The following MGAT3 variants were observed in gnomAD, a reference collection of about 807,000 sequenced individuals.
The protein encoded by MGAT3 is GlcNAc-T III.
A neutral mutation model predicts 29.8 loss-of-function variants in MGAT3; 9 were observed. That is an observed-to-expected ratio of 0.30 (90% CI 0.18 to 0.53). The LOEUF (loss-of-function observed/expected upper bound fraction) is 0.53. Among genes scored for constraint, MGAT3 ranks in the 20% least tolerant of loss-of-function variants. The pLI is 0.96. For missense variants in MGAT3, 557 were observed against 769.5 expected (o/e 0.72, Z 3.27); for synonymous variants, 397 against 348.9 (o/e 1.14, Z -1.54).
intron 1 of MGAT3, among the ~76,000 whole-genome samples, chr22:39,467,284 C>A (rs1928675213): frequency 6.6e-6 from 1 of 151,946 alleles, no homozygotes. Context: ...AGAGCTGGTG[C>A]AGAGGGTGAA....
chr22:39,491,783 A>G lies in MGAT3; in HGVS notation c.*2834A>G, dbSNP rs1929459846. The G allele has an allele frequency of 6.0e-6, 1 of 167,068 alleles. No individual in the cohort carries two copies. The highest frequency in any genetic ancestry group is 1.5e-5 in the Non-Finnish European group (1 of 68,170). The allele number at this position is 167,068 out of a possible 1,614,324, so 10.3% of individuals were successfully genotyped here. A position where few individuals can be genotyped will look rare whatever the true frequency, so the allele number is the denominator to read the frequency against. On this transcript the variant is annotated 3_prime_UTR_variant, in exon 2 of 2. Coordinates refer to ENST00000341184, the MANE Select transcript of MGAT3 (RefSeq NM_002409.5). The surrounding 1 kb of genome is among the most constrained non-coding windows in gnomAD (Gnocchi z 5.5). ...TCAATATGAAGGGAAACCAAGCTGA[A>G]TGTGACCACCGGCACACTGCTGCCA...
intron 1 of MGAT3, among the ~76,000 whole-genome samples, chr22:39,479,850 G>A (rs1478550721): frequency 1.3e-5 from 2 of 152,190 alleles, no homozygotes; most frequent in Non-Finnish European, 2.9e-5. Flanking sequence ...TGATCTCATT[G>A]AGCACCTGCT....
intron 1 of MGAT3, among the ~76,000 whole-genome samples, chr22:39,464,660 C>T (rs1411237700): frequency 1.3e-5 from 2 of 152,070 alleles, no homozygotes; most frequent in Admixed American, 6.5e-5. Flanking sequence ...AGGCTGGTCT[C>T]CAACTCCTGA....
At chr22:39,469,154 G>T (rs1209097809) in intron 1 of MGAT3, among the ~76,000 whole-genome samples, 2 of 149,522 alleles carry the variant, frequency 1.3e-5, no homozygotes, top group Admixed American at 6.6e-5. Flanking sequence ...GGGTGGGGAG[G>T]GGCCCAGATT....
intron 1 of MGAT3, among the ~76,000 whole-genome samples, chr22:39,478,640 AAGCGAC>A (rs1243846231): frequency 6.6e-6 from 1 of 152,158 alleles, no homozygotes; most frequent in African/African-American, 2.4e-5. Context: ...GCCCTTCACC[AAGCGAC>A]AGCTGTCAGT....
chr22:39,470,938 C>T (rs1206446258), intron 1 of MGAT3, among the ~76,000 whole-genome samples: 2 of 152,192 alleles, frequency 1.3e-5, no homozygotes, highest in African/African-American at 2.4e-5. Flanking sequence ...AGCCCTCGCC[C>T]CACGCTGACT....
At chr22:39,477,205 G>A (rs1928990548) in intron 1 of MGAT3, among the ~76,000 whole-genome samples, 1 of 152,228 alleles carries the variant, frequency 6.6e-6, no homozygotes, top group South Asian at 2.1e-4. Context: ...GCGGCCCGTG[G>A]GAGTGGACAT....
chr22:39,471,977 G>C (rs1928823714), intron 1 of MGAT3, among the ~76,000 whole-genome samples: 2 of 152,172 alleles, frequency 1.3e-5, no homozygotes, highest in African/African-American at 4.8e-5. Flanking sequence ...TCCCTAGAGG[G>C]CGAGGTATTG....
chr22:39,460,143 C>T (rs1411718653), intron 1 of MGAT3, among the ~76,000 whole-genome samples: 2 of 152,250 alleles, frequency 1.3e-5, no homozygotes, highest in East Asian at 3.8e-4. Context: ...CCCCAAGAGC[C>T]AGAGCCCCTT....
intron 1 of MGAT3, among the ~76,000 whole-genome samples, chr22:39,474,586 C>T (rs1048480724): frequency 1.3e-5 from 2 of 152,240 alleles, no homozygotes; most frequent in African/African-American, 2.4e-5. Flanking sequence ...CCAGCCCTCA[C>T]GGGCTCCCAC....
intron 1 of MGAT3, among the ~76,000 whole-genome samples, chr22:39,485,015 A>G (rs2145725853): frequency 6.6e-6 from 1 of 152,228 alleles, no homozygotes; most frequent in South Asian, 2.1e-4. Context: ...AAAAAAAGTG[A>G]GGGGGAGAGC....
intron 1 of MGAT3, among the ~76,000 whole-genome samples, chr22:39,461,427 T>C (rs1928494523): frequency 6.6e-6 from 1 of 152,118 alleles, no homozygotes; most frequent in African/African-American, 2.4e-5. Context: ...TGAGACCCTT[T>C]GCACCCCTGA....
chr22:39,485,373 C>A (rs1420722168), intron 1 of MGAT3, among the ~76,000 whole-genome samples: 1 of 152,170 alleles, frequency 6.6e-6, no homozygotes, highest in African/African-American at 2.4e-5. Flanking sequence ...TTCTGATGTC[C>A]GTTTCCTAGT....
At position 39,490,243 on chromosome 22, in the gene MGAT3, A is replaced by T. The variant is rs889050179; in HGVS notation, c.*1294A>T. 2 of 166,916 alleles carry T rather than the reference A, an allele frequency of 1.2e-5. No homozygotes were observed. The highest frequency in any genetic ancestry group is 4.8e-5 in the African/African-American group (2 of 41,350). 10.3% of individuals were successfully genotyped at this position (166,916 alleles called of 1,614,324 possible). On this transcript the variant is annotated 3_prime_UTR_variant, in exon 2 of 2. Coordinates refer to ENST00000341184, the MANE Select transcript of MGAT3 (RefSeq NM_002409.5). ...TCCTGTGTGCATCCAAGCCTGGGGGAAGCAGAAATAGACAAGAGGGCACAC... is the reference window on the plus strand; with the variant it reads ...TCCTGTGTGCATCCAAGCCTGGGGGTAGCAGAAATAGACAAGAGGGCACAC...
rs1041823423 is a variant in MGAT3, at chr22:39,490,372, C to G, written c.*1423C>G. 3 of 167,096 alleles carry G rather than the reference C, an allele frequency of 1.8e-5. No individual in the cohort carries two copies. Among genetic ancestry groups the G allele is most frequent in the Admixed American group, 1.3e-4 (2 of 15,292 alleles). The allele number at this position is 167,096 out of a possible 1,614,324, so 10.4% of individuals were successfully genotyped here. A position where few individuals can be genotyped will look rare whatever the true frequency, so the allele number is the denominator to read the frequency against. On this transcript the variant is annotated 3_prime_UTR_variant, in exon 2 of 2. Transcript: ENST00000341184. ...TGGCCACAAGCAGCTGCTAGGGAACCTGGGAAGTGTAGTCTTCAGCGGGGC... is the reference window on the plus strand; with the variant it reads ...TGGCCACAAGCAGCTGCTAGGGAACGTGGGAAGTGTAGTCTTCAGCGGGGC...
chr22:39,480,667 T>C (rs1651172013), intron 1 of MGAT3, among the ~76,000 whole-genome samples: 1 of 152,112 alleles, frequency 6.6e-6, no homozygotes, highest in South Asian at 2.1e-4. Context: ...ACCTTGGCCA[T>C]GTCCTTCACG....
intron 1 of MGAT3, among the ~76,000 whole-genome samples, chr22:39,480,743 G>A (rs1217653390): frequency 6.6e-6 from 1 of 152,364 alleles, no homozygotes; most frequent in Admixed American, 6.5e-5. Context: ...TGCAGAGACA[G>A]ATGCTGGCTG....
At chr22:39,485,266 G>A (rs1404681380) in intron 1 of MGAT3, among the ~76,000 whole-genome samples, 2 of 152,182 alleles carry the variant, frequency 1.3e-5, no homozygotes, top group Non-Finnish European at 2.9e-5. Context: ...AGGGTGAAAT[G>A]AGCTGGATGG....
In MGAT3 at chr22:39,492,024, AAATGCAT is replaced by A. The variant is rs1291769787; in HGVS notation, c.*3080_*3086del. ...TCCAAGCAGAAGGCAGGACCCTGGGAAATGCATAATGTAAGGACATCAATAATAGTAT... is the reference window on the plus strand; with the variant it reads ...TCCAAGCAGAAGGCAGGACCCTGGGAAATGTAAGGACATCAATAATAGTAT... On this transcript the variant is annotated 3_prime_UTR_variant, in exon 2 of 2. Transcript: ENST00000341184. 1 of 167,152 alleles carries A rather than the reference AAATGCAT, an allele frequency of 6.0e-6. No individual in the cohort carries two copies. Among genetic ancestry groups the A allele is most frequent in the Non-Finnish European group, 1.5e-5 (1 of 68,122 alleles). The allele number at this position is 167,152 out of a possible 1,614,324, so 10.4% of individuals were successfully genotyped here. A position where few individuals can be genotyped will look rare whatever the true frequency, so the allele number is the denominator to read the frequency against.
Sources: allele counts gnomAD v4.1 joint callset (sites outside exome capture counted in the v4.1 genomes callset), GRCh38; gene constraint gnomAD v4.1.1; non-coding constraint Gnocchi (gnomAD v3.1); transcripts MANE v1.5; gene names NCBI Gene and HGNC (gene_info 2026-07-23, HGNC 2026-07-21).